The following MAGI1 variants were observed in gnomAD, a reference collection of about 807,000 sequenced individuals.
MAGI1 encodes membrane-associated guanylate kinase, WW and PDZ domain-containing protein 1.
In MAGI1, 58 loss-of-function variants were observed where a neutral mutation model predicts 139.9. The observed-to-expected ratio is 0.41, with a 90% CI of 0.34 to 0.52. The LOEUF (loss-of-function observed/expected upper bound fraction) is 0.52, where lower values mean the gene tolerates loss of function less well. Ranked by LOEUF, MAGI1 falls within the 20% of genes least tolerant of loss-of-function variation. The probability of loss-of-function intolerance (pLI) is 0.12; values close to 1 mark genes in which losing one functional copy is unlikely to be tolerated. For missense variants in MAGI1, 1,874 were observed against 1,901.6 expected (o/e 0.99, Z 0.27); for synonymous variants, 812 against 737.9 (o/e 1.10, Z -1.63).
intron 1 of MAGI1, among the ~76,000 whole-genome samples, chr3:65,897,751 T>C (rs1281490964): frequency 6.6e-6 from 1 of 151,698 alleles, no homozygotes; most frequent in Non-Finnish European, 1.5e-5. Context: ...CAGTCCCAGC[T>C]ACTAGGGAGG....
chr3:65,520,860 G>A (rs998539139), intron 2 of MAGI1, among the ~76,000 whole-genome samples: 1 of 152,174 alleles, frequency 6.6e-6, no homozygotes, highest in African/African-American at 2.4e-5. Context: ...AGTCATGGGA[G>A]CTAACTCAAT....
chr3:65,724,742 G>A (rs771697714), intron 1 of MAGI1, among the ~76,000 whole-genome samples: 11 of 152,074 alleles, frequency 7.2e-5, no homozygotes, highest in South Asian at 2.1e-4. Flanking sequence ...CAATTATGGC[G>A]GAAGGGGAAG....
At chr3:65,530,876 G>T (rs1480738645) in intron 2 of MAGI1, among the ~76,000 whole-genome samples, 1 of 145,776 alleles carries the variant, frequency 6.9e-6, no homozygotes, top group Non-Finnish European at 1.5e-5. Context: ...TATGGAGAGA[G>T]AGAAAGAGGA....
intron 2 of MAGI1, among the ~76,000 whole-genome samples, chr3:65,585,283 GGACT>G (rs1326190598): frequency 6.6e-6 from 1 of 152,198 alleles, no homozygotes; most frequent in Admixed American, 6.5e-5. Context: ...ATGGTGAGCA[GGACT>G]GACTGACAGC....
At chr3:65,917,305 C>T (rs2061951441) in intron 1 of MAGI1, among the ~76,000 whole-genome samples, 1 of 152,150 alleles carries the variant, frequency 6.6e-6, no homozygotes, top group African/African-American at 2.4e-5. Flanking sequence ...CCACCAAATG[C>T]TGACAAGGAT....
chr3:65,354,900 T>C lies in MAGI1; in HGVS notation c.*1478A>G, dbSNP rs1940134425. 6.6e-6 allele frequency: 1 copy of C among 152,098 alleles called. No homozygotes were observed. The highest frequency in any genetic ancestry group is 1.9e-4 in the East Asian group (1 of 5,186). 9.4% of individuals were successfully genotyped at this position (152,098 alleles called of 1,614,324 possible). A position where few individuals can be genotyped will look rare whatever the true frequency, so the allele number is the denominator to read the frequency against. On this transcript the variant is annotated 3_prime_UTR_variant, in exon 23 of 23. Transcript: ENST00000402939. ...CTGGTTTTCTTTTTTTTTTTCTTTT[T>C]CCTTTTTTTTTTTCTTACAGTACCA...
At chr3:65,439,755 C>T (rs1445687521) in intron 9 of MAGI1, 124 bp downstream of exon 9, 5 of 1,548,644 alleles carry the variant, frequency 3.2e-6, no homozygotes, top group Admixed American at 3.5e-5. Context: ...AGGACATCAG[C>T]TCTTCAGTGT....
At chr3:65,784,854 T>C (rs1400026967) in intron 1 of MAGI1, among the ~76,000 whole-genome samples, 1 of 152,120 alleles carries the variant, frequency 6.6e-6, no homozygotes, top group Non-Finnish European at 1.5e-5. Context: ...GAGTAGCACA[T>C]CACAAAAGAC....
At chr3:65,574,517 TG>T (rs1431605926) in intron 2 of MAGI1, among the ~76,000 whole-genome samples, 3 of 151,340 alleles carry the variant, frequency 2.0e-5, no homozygotes, top group Admixed American at 1.3e-4. Flanking sequence ...ACTTTTAAAA[TG>T]TCCATTCTCC....
intron 2 of MAGI1, among the ~76,000 whole-genome samples, chr3:65,514,125 A>G (rs2077738115): frequency 6.7e-6 from 1 of 150,252 alleles, no homozygotes; most frequent in Non-Finnish European, 1.5e-5. Context: ...CTGAAACTGG[A>G]TCCCTTCCTT....
At chr3:65,800,639 A>T (rs965688663) in intron 1 of MAGI1, among the ~76,000 whole-genome samples, 7 of 42,572 alleles carry the variant, frequency 1.6e-4, no homozygotes, top group African/African-American at 1.6e-4. Context: ...TAATTAGATT[A>T]AAAAAAAAAC....
At chr3:65,846,365 A>C (rs1487568745) in intron 1 of MAGI1, among the ~76,000 whole-genome samples, 1 of 152,216 alleles carries the variant, frequency 6.6e-6, no homozygotes, top group African/African-American at 2.4e-5. Context: ...AAACTCTGCA[A>C]AATTGCAAAT....
intron 3 of MAGI1, among the ~76,000 whole-genome samples, chr3:65,490,479 T>C (rs1381976662): frequency 6.6e-6 from 1 of 152,154 alleles, no homozygotes; most frequent in Non-Finnish European, 1.5e-5. Context: ...GTATATGGCA[T>C]TTAATAAACA....
chr3:65,663,872 C>A (rs887748985), intron 1 of MAGI1, among the ~76,000 whole-genome samples: 1 of 151,964 alleles, frequency 6.6e-6, no homozygotes, highest in Non-Finnish European at 1.5e-5. Flanking sequence ...TGCCAGATGT[C>A]CCCTAGGGAT....
At chr3:65,837,355 G>A (rs1202021330) in intron 1 of MAGI1, among the ~76,000 whole-genome samples, 1 of 152,174 alleles carries the variant, frequency 6.6e-6, no homozygotes, top group African/African-American at 2.4e-5. Flanking sequence ...CCTGCTGACG[G>A]AAGATAAAGC....
chr3:65,758,142 A>G (rs1577021735), intron 1 of MAGI1, among the ~76,000 whole-genome samples: 1 of 152,176 alleles, frequency 6.6e-6, no homozygotes, highest in East Asian at 1.9e-4. Flanking sequence ...GAGGAGATAA[A>G]TCTCCCAGTC....
chr3:65,987,550 G>C (rs539414890), intron 1 of MAGI1, among the ~76,000 whole-genome samples: 7 of 152,276 alleles, frequency 4.6e-5, no homozygotes, highest in African/African-American at 1.4e-4. Context: ...CAAGAATTAA[G>C]AATTAATGCA....
At chr3:65,448,606 C>A (rs1010077958) in intron 6 of MAGI1, among the ~76,000 whole-genome samples, 2 of 151,974 alleles carry the variant, frequency 1.3e-5, no homozygotes, top group East Asian at 3.9e-4. Context: ...AGATGAATTA[C>A]GTCAAGATAA....
At chr3:65,476,896 A>T (rs564778080) in intron 4 of MAGI1, among the ~76,000 whole-genome samples, 5 of 152,354 alleles carry the variant, frequency 3.3e-5, no homozygotes, top group African/African-American at 1.2e-4. Context: ...CAATTAAAAC[A>T]TAGGTACAAG....
Sources: allele counts gnomAD v4.1 joint callset (sites outside exome capture counted in the v4.1 genomes callset), GRCh38; gene constraint gnomAD v4.1.1; transcripts MANE v1.5; gene names NCBI Gene and HGNC (gene_info 2026-07-23, HGNC 2026-07-21).